Variants in MYT1L observed in about 807,000 individuals in gnomAD.
MYT1L encodes myelin transcription factor 1-like protein.
In MYT1L, 12 loss-of-function variants were observed where a neutral mutation model predicts 126.7. The ratio of observed to expected loss-of-function variants is 0.09; its 90% CI spans 0.06 to 0.15. The LOEUF (loss-of-function observed/expected upper bound fraction) is 0.15. Among genes scored for constraint, MYT1L ranks in the 10% least tolerant of loss-of-function variants. The probability of loss-of-function intolerance (pLI) is 1.00; values close to 1 mark genes in which losing one functional copy is unlikely to be tolerated. For synonymous variants in MYT1L, 541 were observed against 604.2 expected, an observed-to-expected ratio of 0.90 and a Z score of 1.53; for missense variants, 979 against 1,585.2, an observed-to-expected ratio of 0.62 and a Z score of 6.49.
intron 18 of MYT1L, among the ~76,000 whole-genome samples, chr2:1,882,347 C>G (rs1325193819): frequency 6.6e-6 from 1 of 152,060 alleles, no homozygotes; most frequent in Non-Finnish European, 1.5e-5. Context: ...TGGCTGATCA[C>G]GTGCACCCGG....
chr2:2,297,695 G>C (rs1012962457), intron 1 of MYT1L, among the ~76,000 whole-genome samples: 3 of 152,164 alleles, frequency 2.0e-5, no homozygotes, highest in Non-Finnish European at 2.9e-5. Context: ...GCTCAAGGAA[G>C]AACAAATGTG....
At chr2:1,805,664 T>C (rs1352832785) in intron 22 of MYT1L, among the ~76,000 whole-genome samples, 7 of 152,166 alleles carry the variant, frequency 4.6e-5, no homozygotes, top group Admixed American at 1.3e-4. Flanking sequence ...GGGAGGTGGA[T>C]TGCTTGAGCT....
chr2:1,931,180 A>C (rs2054920557), intron 9 of MYT1L, among the ~76,000 whole-genome samples: 1 of 152,178 alleles, frequency 6.6e-6, no homozygotes, highest in South Asian at 2.1e-4. Context: ...CTCCCCTCCC[A>C]GGTTGGGCCT....
At chr2:1,941,320 G>A (rs2056618627) in intron 9 of MYT1L, among the ~76,000 whole-genome samples, 1 of 152,156 alleles carries the variant, frequency 6.6e-6, no homozygotes, top group Admixed American at 6.5e-5. Flanking sequence ...AAACGGGTGA[G>A]AACGTGAAAG....
chr2:2,000,090 C>T (rs2062217397), intron 4 of MYT1L, among the ~76,000 whole-genome samples: 1 of 152,230 alleles, frequency 6.6e-6, no homozygotes, highest in Non-Finnish European at 1.5e-5. Flanking sequence ...CAGAAGGTGG[C>T]TGTGCATGAC....
chr2:2,310,867 G>T (rs1444984712), intron 1 of MYT1L, among the ~76,000 whole-genome samples: 1 of 151,968 alleles, frequency 6.6e-6, no homozygotes, highest in Non-Finnish European at 1.5e-5. Flanking sequence ...TTGAAAAAAT[G>T]AATGAAAGAA....
At position 1,802,088 on chromosome 2, in the gene MYT1L, A is replaced by G. The variant is rs367844022; in HGVS notation, c.3173-289T>C. ...CCCAGGGACAGTTAACCTGGGTCTT[A>G]GATGTATCGAGGCAGAAACCACCTG... On this transcript the variant is annotated intron_variant, in intron 22 of 24. Transcript: ENST00000647738. 13 of 280,952 alleles carry G rather than the reference A, an allele frequency of 4.6e-5. No homozygotes were observed. In the South Asian group the frequency reaches 6.1e-4, roughly 13 times the overall value. The allele number at this position is 280,952 out of a possible 1,614,324, so 17.4% of individuals were successfully genotyped here. A position where few individuals can be genotyped will look rare whatever the true frequency, so the allele number is the denominator to read the frequency against.
chr2:2,043,598 C>T (rs2067809856), intron 4 of MYT1L, among the ~76,000 whole-genome samples: 2 of 152,162 alleles, frequency 1.3e-5, no homozygotes, highest in African/African-American at 4.8e-5. Context: ...AAGAGCTGTG[C>T]CCACTGTCTG....
intron 18 of MYT1L, among the ~76,000 whole-genome samples, chr2:1,876,744 G>C (rs554186113): frequency 1.3e-5 from 2 of 152,194 alleles, no homozygotes; most frequent in Non-Finnish European, 2.9e-5. Flanking sequence ...GAGAAGCAAC[G>C]TCTCACTCAG....
chr2:2,217,852 G>C (rs1474487448), intron 2 of MYT1L, among the ~76,000 whole-genome samples: 2 of 151,958 alleles, frequency 1.3e-5, no homozygotes. Flanking sequence ...AATACAAAAA[G>C]AGCTCTCGAA....
intron 2 of MYT1L, among the ~76,000 whole-genome samples, chr2:2,191,177 G>C (rs968670397): frequency 1.3e-5 from 2 of 152,184 alleles, no homozygotes; most frequent in African/African-American, 4.8e-5. Flanking sequence ...CCACCCCTAG[G>C]CATGGATGGA....
chr2:1,916,678 C>T (rs781172177), intron 11 of MYT1L, among the ~76,000 whole-genome samples: 29 of 152,180 alleles, frequency 1.9e-4, no homozygotes, highest in Admixed American at 8.5e-4. Context: ...ATTGAAGAAC[C>T]TATAGTGTTG....
Position 1,889,306 on chromosome 2 carries a change from A to T in MYT1L, c.2455T>A (p.Leu819Met). 6.2e-7 allele frequency: 1 copy of T among 1,613,818 alleles called. No individual in the cohort carries two copies. Among genetic ancestry groups the T allele is most frequent in the Non-Finnish European group, 8.5e-7 (1 of 1,179,870 alleles). The change falls in exon 16 of 25, where the codon TTG becomes ATG. Residue 819 changes from leucine to methionine, a missense_variant. Transcript: ENST00000647738. This position sits in a 1 kb window ranked among gnomAD's most constrained non-coding sequence, Gnocchi z 4.1. The stretch of plus-strand genomic sequence containing the variant: ...TTCATTTTGGTGTAGTCTACGGGCA[A>T]GTCCCAGCAGTCGCCCTCGCCCAGC... ...FQLGEGDCWD[L>M]PVDYTKMKPR...
At chr2:2,222,641 A>G (rs1000600653) in intron 2 of MYT1L, among the ~76,000 whole-genome samples, 1 of 152,168 alleles carries the variant, frequency 6.6e-6, no homozygotes, top group African/African-American at 2.4e-5. Context: ...CCATATTATC[A>G]CAATCCTAAA....
intron 2 of MYT1L, among the ~76,000 whole-genome samples, chr2:2,205,006 G>C (rs1366455361): frequency 6.6e-6 from 1 of 150,474 alleles, no homozygotes; most frequent in East Asian, 2.0e-4. Context: ...GCAAACTAGC[G>C]CAAGGACAAA....
At chr2:2,015,712 G>C (rs944382828) in intron 4 of MYT1L, among the ~76,000 whole-genome samples, 1 of 152,126 alleles carries the variant, frequency 6.6e-6, no homozygotes, top group Non-Finnish European at 1.5e-5. Context: ...GAAGGAGGGG[G>C]CGGGAGGAAC....
chr2:2,176,441 C>T (rs2090783767), intron 2 of MYT1L, among the ~76,000 whole-genome samples: 1 of 151,920 alleles, frequency 6.6e-6, no homozygotes, highest in South Asian at 2.1e-4. Context: ...CATACACGGA[C>T]ATTCCCATCT....
At chr2:1,822,615 C>T (rs921260106) in intron 21 of MYT1L, among the ~76,000 whole-genome samples, 1 of 152,206 alleles carries the variant, frequency 6.6e-6, no homozygotes. Context: ...TCGAGAGGGT[C>T]CCCTTCCTTC....
At chr2:2,158,745 A>G (rs143397986) in intron 3 of MYT1L, among the ~76,000 whole-genome samples, 1 of 151,878 alleles carries the variant, frequency 6.6e-6, no homozygotes, top group East Asian at 1.9e-4. Flanking sequence ...ATTGGATATA[A>G]AGACCTTAAT....
Sources: allele counts gnomAD v4.1 joint callset (sites outside exome capture counted in the v4.1 genomes callset), GRCh38; gene constraint gnomAD v4.1.1; non-coding constraint Gnocchi (gnomAD v3.1); transcripts MANE v1.5; gene names NCBI Gene and HGNC (gene_info 2026-07-23, HGNC 2026-07-21).